CELSR1: variants seen among roughly 807,000 people sequenced by gnomAD.
CELSR1 encodes adhesion G protein-coupled receptor C1.
Under a neutral mutation model 249.1 loss-of-function variants are expected in CELSR1, and 110 were observed. The observed-to-expected ratio is 0.44, with a 90% CI of 0.38 to 0.52. The LOEUF is 0.52. Ranked by LOEUF, CELSR1 falls within the 20% of genes least tolerant of loss-of-function variation. The probability of loss-of-function intolerance (pLI) is 0.00; values close to 1 mark genes in which losing one functional copy is unlikely to be tolerated. For synonymous variants in CELSR1, 2,113 were observed against 1,900.0 expected (o/e 1.11, Z -2.92); for missense variants, 4,109 against 4,296.4 (o/e 0.96, Z 1.22).
chr22:46,369,376 G>A lies in CELSR1; in HGVS notation c.7873-118C>T, dbSNP rs1012642425. On this transcript the variant is annotated intron_variant, in intron 26 of 34. Coordinates refer to ENST00000674500, the MANE Select transcript of CELSR1 (RefSeq NM_001378328.1). ...AGGGGTGGCTGGGTGAGGAGGACCC[G>A]AACCCTGGCCTGTGGGGCGAAGCAC... The A allele has an allele frequency of 4.9e-5, 42 of 850,188 alleles. No homozygotes were observed. The Admixed American group carries it at 5.5e-4, about 11-fold the overall frequency. 52.7% of individuals were successfully genotyped at this position (850,188 alleles called of 1,614,324 possible).
chr22:46,427,984 G>A lies in CELSR1; in HGVS notation c.4611+5409C>T, dbSNP rs2079554353. ...GGGGTACATCTCCCACTCTCCTTGG[G>A]ACTCTGGGGTTTAATGTGCAGCACA... On this transcript the variant is annotated intron_variant, in intron 5 of 34. Coordinates refer to ENST00000674500, the MANE Select transcript of CELSR1 (RefSeq NM_001378328.1). The surrounding 1 kb of genome is among the most constrained non-coding windows in gnomAD (Gnocchi z 4.2). Among the ~76,000 whole-genome samples, 1 of 152,112 alleles carries A rather than the reference G, an allele frequency of 6.6e-6. No individual in the cohort carries two copies.
Position 46,393,374 on chromosome 22 carries a change from G to A in CELSR1, c.5964+768C>T, listed in dbSNP as rs114182244. 6.6e-6 allele frequency among the ~76,000 whole-genome samples: 1 copy of A among 152,198 alleles called. No individual in the cohort carries two copies. The highest frequency in any genetic ancestry group is 6.5e-5 in the Admixed American group (1 of 15,294). On this transcript the variant is annotated intron_variant, in intron 14 of 34. Coordinates refer to ENST00000674500, the MANE Select transcript of CELSR1 (RefSeq NM_001378328.1). This position sits in a 1 kb window ranked among gnomAD's most constrained non-coding sequence, Gnocchi z 4.1. Reference sequence around the variant, plus strand: ...AGGACTGACCGCCCTGGACAGGCGTGGGGCATAACGCACTTAGTGACACTT... The same window carrying A: ...AGGACTGACCGCCCTGGACAGGCGTAGGGCATAACGCACTTAGTGACACTT...
intron 1 of CELSR1, among the ~76,000 whole-genome samples, chr22:46,477,863 C>T (rs1652737077): frequency 1.3e-5 from 2 of 152,146 alleles, no homozygotes; most frequent in Admixed American, 1.3e-4. Flanking sequence ...GCTTCCAGGA[C>T]AGGTACCCCA....
chr22:46,405,229 G>A (rs2079252231), intron 9 of CELSR1, among the ~76,000 whole-genome samples: 1 of 151,116 alleles, frequency 6.6e-6, no homozygotes, highest in Admixed American at 6.6e-5. Flanking sequence ...GGGAGGCTGA[G>A]GCGGGTGGAT....
chr22:46,423,461 C>T lies in CELSR1; in HGVS notation c.4611+9932G>A, dbSNP rs980449258. Among the ~76,000 whole-genome samples, 11 of 151,742 alleles carry T rather than the reference C, an allele frequency of 7.2e-5. No homozygotes were observed. The highest frequency in any genetic ancestry group is 1.7e-4 in the African/African-American group (7 of 41,262). On this transcript the variant is annotated intron_variant, in intron 5 of 34. Coordinates refer to ENST00000674500, the MANE Select transcript of CELSR1 (RefSeq NM_001378328.1). The surrounding 1 kb of genome is among the most constrained non-coding windows in gnomAD (Gnocchi z 5.6). ...TCTCTACTAAAAATACAAAATTAGC[C>T]GGGCGTGGTGGTGCAGGCCTGTAAT...
rs1273384307 is a variant in CELSR1 at position 46,395,242 on chromosome 22, C to A, written c.5844-980G>T. The stretch of plus-strand genomic sequence containing the variant: ...GACTGTGGCGCCGGGCATGGAGATG[C>A]TGGATCAGCCTCTTGGCAACTCCCC... On this transcript the variant is annotated intron_variant, in intron 13 of 34. Transcript: ENST00000674500. The surrounding 1 kb of genome is among the most constrained non-coding windows in gnomAD (Gnocchi z 5.5). Among the ~76,000 whole-genome samples, 1 of 152,344 alleles carries A rather than the reference C, an allele frequency of 6.6e-6. No homozygotes were observed. Among genetic ancestry groups the A allele is most frequent in the East Asian group, 1.9e-4 (1 of 5,180 alleles).
intron 2 of CELSR1, among the ~76,000 whole-genome samples, chr22:46,462,486 T>C (rs2080041632): frequency 6.6e-6 from 1 of 152,168 alleles, no homozygotes; most frequent in Non-Finnish European, 1.5e-5. Context: ...CTCAAACCCT[T>C]GTTATAAGCT....
rs551354592 is a variant in CELSR1 at position 46,533,808 on chromosome 22, G to C, written c.3363C>G (p.Thr1121=). 1 of 1,613,816 alleles carries C rather than the reference G, an allele frequency of 6.2e-7. No individual in the cohort carries two copies. Residue 1121 remains threonine (T), a synonymous_variant, in exon 1 of 35, where the codon ACC becomes ACG. Transcript: ENST00000674500. ...GGGCCGGGATGCAGCCGATCACGCCGGTGGGGAAACTGTTGGACTTGTTGG... is the reference window on the plus strand; with the variant it reads ...GGGCCGGGATGCAGCCGATCACGCCCGTGGGGAAACTGTTGGACTTGTTGG... The part of the protein sequence containing the change: ...YVTNKSNSFP[T]GVIGCIPAHD...
Position 46,433,832 on chromosome 22 carries a change from C to A in CELSR1, c.4523-351G>T, listed in dbSNP as rs552819131. Among the ~76,000 whole-genome samples the A allele has an allele frequency of 6.6e-6, 1 of 152,066 alleles. No individual in the cohort carries two copies. The highest frequency in any genetic ancestry group is 6.6e-5 in the Admixed American group (1 of 15,266). On this transcript the variant is annotated intron_variant, in intron 4 of 34. Coordinates refer to ENST00000674500, the MANE Select transcript of CELSR1 (RefSeq NM_001378328.1). The surrounding 1 kb of genome is among the most constrained non-coding windows in gnomAD (Gnocchi z 5.7). ...CCTGAGTAGCTGGGATTACAGGCAC[C>A]CACCACCACACCCGGCTAATTTTTG...
chr22:46,444,895 C>T (rs2079800132), intron 2 of CELSR1, among the ~76,000 whole-genome samples: 3 of 152,208 alleles, frequency 2.0e-5, no homozygotes, highest in Admixed American at 2.0e-4. Flanking sequence ...CGTCAAATCT[C>T]CCTCTCCTTC....
rs1328315560 is a variant in CELSR1 at position 46,490,534 on chromosome 22, C to T, written c.3545-26189G>A. On this transcript the variant is annotated intron_variant, in intron 1 of 34. Coordinates refer to ENST00000674500, the MANE Select transcript of CELSR1 (RefSeq NM_001378328.1). The surrounding 1 kb of genome is among the most constrained non-coding windows in gnomAD (Gnocchi z 5.2). ...ACTCCTGACCGCAGGCGAGCCGCCC[C>T]CCTCCGCCTCCCAAAATGTTGAGAT... is the stretch of plus-strand genomic sequence containing the variant. Among the ~76,000 whole-genome samples, 2 of 151,832 alleles carry T rather than the reference C, an allele frequency of 1.3e-5. No homozygotes were observed. The highest frequency in any genetic ancestry group is 4.8e-5 in the African/African-American group (2 of 41,268).
chr22:46,435,895 T>G (rs1037067071), intron 4 of CELSR1, among the ~76,000 whole-genome samples: 22 of 151,936 alleles, frequency 1.4e-4, no homozygotes, highest in African/African-American at 5.3e-4. Flanking sequence ...CAGAGGGGGT[T>G]TCACCATGTT....
rs2079304624 is a variant in CELSR1, at chr22:46,409,381, G to A, written c.5060-219C>T. On this transcript the variant is annotated intron_variant, in intron 8 of 34. Coordinates refer to ENST00000674500, the MANE Select transcript of CELSR1 (RefSeq NM_001378328.1). The surrounding 1 kb of genome is among the most constrained non-coding windows in gnomAD (Gnocchi z 9.8). ...CCTGGGACGTGAGCCTCCTTGCTGG[G>A]AAGCATGAAGATCTGCAGGCTCCCA... Among the ~76,000 whole-genome samples the A allele has an allele frequency of 6.6e-6, 1 of 152,210 alleles. No individual in the cohort carries two copies. Among genetic ancestry groups the A allele is most frequent in the Non-Finnish European group, 1.5e-5 (1 of 68,032 alleles).
At chr22:46,499,968 C>G (rs543124695) in intron 1 of CELSR1, among the ~76,000 whole-genome samples, 4 of 152,264 alleles carry the variant, frequency 2.6e-5, no homozygotes, top group Admixed American at 1.3e-4. Flanking sequence ...AGCGGCCGCC[C>G]CCACCACCCT....
chr22:46,536,073 C>T lies in CELSR1; in HGVS notation c.1098G>A (p.Leu366=). 6.2e-7 allele frequency: 1 copy of T among 1,611,504 alleles called. No individual in the cohort carries two copies. Among genetic ancestry groups the T allele is most frequent in the African/African-American group, 1.3e-5 (1 of 75,072 alleles). Reference sequence around the variant, plus strand: ...TGGTCAGCACCTCGTAGCCCACCTCCAGGTTCTCCCGCACGCGCTCGCGGT... The same window carrying T: ...TGGTCAGCACCTCGTAGCCCACCTCTAGGTTCTCCCGCACGCGCTCGCGGT... ...SEYRERVREN[L]EVGYEVLTIR... is the part of the protein sequence containing the mutation. Residue 366 remains leucine, a synonymous_variant, in exon 1 of 35, where the codon CTG becomes CTA. Coordinates refer to ENST00000674500, the MANE Select transcript of CELSR1 (RefSeq NM_001378328.1).
At chr22:46,474,601 TCTAG>T (rs1449822007) in intron 1 of CELSR1, among the ~76,000 whole-genome samples, 1 of 152,092 alleles carries the variant, frequency 6.6e-6, no homozygotes, top group African/African-American at 2.4e-5. Context: ...AATCCTTTCC[TCTAG>T]CTATTTTGAA....
Position 46,484,724 on chromosome 22 carries a change from G to T in CELSR1, c.3545-20379C>A, listed in dbSNP as rs532708513. 7.2e-6 allele frequency among the ~76,000 whole-genome samples: 1 copy of T among 139,724 alleles called. No homozygotes were observed. Among genetic ancestry groups the T allele is most frequent in the Admixed American group, 7.8e-5 (1 of 12,820 alleles). 91.7% of individuals were successfully genotyped at this position (139,724 alleles called of 152,430 possible). On this transcript the variant is annotated intron_variant, in intron 1 of 34. Transcript: ENST00000674500. This position sits in a 1 kb window ranked among gnomAD's most constrained non-coding sequence, Gnocchi z 4.5. ...TGGAGTGAGCGCTCACAGGGACCCC[G>T]CCCAGGTGCTGGGGAGGTCCGGCTG...
At chr22:46,487,123 G>A (rs1017190975) in intron 1 of CELSR1, among the ~76,000 whole-genome samples, 5 of 151,450 alleles carry the variant, frequency 3.3e-5, no homozygotes, top group Admixed American at 6.6e-5. Flanking sequence ...TGGCACCTTT[G>A]GCTCAGATCT....
At position 46,395,639 on chromosome 22, in the gene CELSR1, T is replaced by A. The variant is rs1190918105; in HGVS notation, c.5843+966A>T. Among the ~76,000 whole-genome samples the A allele has an allele frequency of 3.9e-5, 6 of 152,138 alleles. No individual in the cohort carries two copies. Among genetic ancestry groups the A allele is most frequent in the African/African-American group, 1.4e-4 (6 of 41,482 alleles). On this transcript the variant is annotated intron_variant, in intron 13 of 34. Coordinates refer to ENST00000674500, the MANE Select transcript of CELSR1 (RefSeq NM_001378328.1). This position sits in a 1 kb window ranked among gnomAD's most constrained non-coding sequence, Gnocchi z 5.5. Reference sequence around the variant, plus strand: ...CACAGGCTGCTTCCCACTCATGGGGTCACAGCCGGGATCACAGCACCTGCT... The same window carrying A: ...CACAGGCTGCTTCCCACTCATGGGGACACAGCCGGGATCACAGCACCTGCT...
Sources: allele counts gnomAD v4.1 joint callset (sites outside exome capture counted in the v4.1 genomes callset), GRCh38; gene constraint gnomAD v4.1.1; non-coding constraint Gnocchi (gnomAD v3.1); transcripts MANE v1.5; gene names NCBI Gene and HGNC (gene_info 2026-07-23, HGNC 2026-07-21).